Variants in NPAS3 observed in about 807,000 individuals in gnomAD.
NPAS3 encodes the protein neuronal PAS domain-containing protein 3.
A neutral mutation model predicts 73.1 loss-of-function variants in NPAS3; 14 were observed. The ratio of observed to expected loss-of-function variants is 0.19; its 90% CI spans 0.13 to 0.30. NPAS3 has a LOEUF of 0.30. NPAS3 is among the 10% of genes least tolerant of loss of function. The pLI is 1.00. For missense variants in NPAS3, 1,096 were observed against 1,250.0 expected (o/e 0.88, Z 1.86); for synonymous variants, 620 against 541.5 (o/e 1.14, Z -2.01).
At chr14:33,657,841 GCAGT>G (rs1377952925) in intron 5 of NPAS3, among the ~76,000 whole-genome samples, 1 of 152,098 alleles carries the variant, frequency 6.6e-6, no homozygotes, top group Non-Finnish European at 1.5e-5. Flanking sequence ...GGGGTGCGTT[GCAGT>G]CAGTGGATAA....
intron 6 of NPAS3, among the ~76,000 whole-genome samples, chr14:33,714,278 T>C (rs1310670562): frequency 6.7e-6 from 1 of 150,238 alleles, no homozygotes. Flanking sequence ...AATCTTCTAA[T>C]GGAATGTAAG....
intron 4 of NPAS3, among the ~76,000 whole-genome samples, chr14:33,398,407 TAAA>T (rs57064212): frequency 1.4e-5 from 2 of 142,836 alleles, no homozygotes; most frequent in Admixed American, 1.4e-4. Context: ...TATTTTCCTT[TAAA>T]AAAAAAAAAA....
chr14:33,174,588 G>A (rs1256272986), intron 2 of NPAS3, among the ~76,000 whole-genome samples: 1 of 152,178 alleles, frequency 6.6e-6, no homozygotes, highest in African/African-American at 2.4e-5. Flanking sequence ...CTAACGTCCT[G>A]ACGTTTTCAC....
chr14:33,538,579 A>G (rs2054360332), intron 4 of NPAS3, among the ~76,000 whole-genome samples: 2 of 152,204 alleles, frequency 1.3e-5, no homozygotes, highest in South Asian at 4.1e-4. Flanking sequence ...TTGCAAAAAG[A>G]CTTGTCACCT....
chr14:33,225,979 T>A (rs1256315311), intron 3 of NPAS3, among the ~76,000 whole-genome samples: 5 of 152,220 alleles, frequency 3.3e-5, no homozygotes, highest in Admixed American at 1.3e-4. Context: ...TGTACATAAG[T>A]CTATTTGTCA....
intron 2 of NPAS3, among the ~76,000 whole-genome samples, chr14:33,199,880 AATC>A: frequency 6.6e-6 from 1 of 152,214 alleles, no homozygotes; most frequent in South Asian, 2.1e-4. Context: ...GCAGCAGCAT[AATC>A]ATCTTTCAAC....
intron 1 of NPAS3, among the ~76,000 whole-genome samples, chr14:33,039,328 T>G (rs780266420): frequency 6.6e-6 from 1 of 152,136 alleles, no homozygotes; most frequent in Non-Finnish European, 1.5e-5. Flanking sequence ...GAGGCCTAAT[T>G]TCCATTATAT....
At chr14:33,492,378 T>C (rs2224498) in intron 4 of NPAS3, among the ~76,000 whole-genome samples, 1 of 152,110 alleles carries the variant, frequency 6.6e-6, no homozygotes, top group Non-Finnish European at 1.5e-5. Flanking sequence ...CTGTCACAGG[T>C]AACATGCTTT....
chr14:33,690,131 C>T (rs1237172176), intron 6 of NPAS3, among the ~76,000 whole-genome samples: 1 of 152,192 alleles, frequency 6.6e-6, no homozygotes, highest in Admixed American at 6.5e-5. Context: ...ATTGGGTCTC[C>T]GCAACCCATG....
intron 3 of NPAS3, among the ~76,000 whole-genome samples, chr14:33,322,570 GT>G (rs1308508399): frequency 6.6e-6 from 1 of 151,574 alleles, no homozygotes; most frequent in Non-Finnish European, 1.5e-5. Context: ...TTTTAAAGAA[GT>G]CTTTTTGTCA....
At chr14:33,368,310 T>TAA (rs66579296) in intron 4 of NPAS3, among the ~76,000 whole-genome samples, 2,058 of 144,900 alleles carry the variant, frequency 0.014, 32 homozygotes, top group African/African-American at 0.034. Flanking sequence ...GATTCTGCGT[T>TAA]AAAAAAAAAA....
intron 4 of NPAS3, among the ~76,000 whole-genome samples, chr14:33,414,062 T>C (rs1364582796): frequency 2.0e-5 from 3 of 152,184 alleles, no homozygotes; most frequent in Non-Finnish European, 2.9e-5. Flanking sequence ...ATAGAGTATA[T>C]CCTTAGTTAG....
intron 1 of NPAS3, among the ~76,000 whole-genome samples, chr14:33,047,648 C>A (rs2040555982): frequency 6.6e-6 from 1 of 152,188 alleles, no homozygotes; most frequent in Non-Finnish European, 1.5e-5. Flanking sequence ...TCAGGAAAAC[C>A]TCCAATATAA....
chr14:33,764,136 T>G (rs1005304078), intron 7 of NPAS3, among the ~76,000 whole-genome samples: 1 of 152,212 alleles, frequency 6.6e-6, no homozygotes, highest in Non-Finnish European at 1.5e-5. Context: ...CTAGAGCCCT[T>G]GAAGTTAAAT....
At chr14:33,780,293 G>GA (rs944104251) in intron 9 of NPAS3, among the ~76,000 whole-genome samples, 3 of 152,132 alleles carry the variant, frequency 2.0e-5, no homozygotes, top group Admixed American at 6.5e-5. Context: ...ATTAATTGGG[G>GA]AAAAAAATGA....
At chr14:33,693,101 T>C (rs1046104093) in intron 6 of NPAS3, among the ~76,000 whole-genome samples, 14 of 152,168 alleles carry the variant, frequency 9.2e-5, no homozygotes, top group Non-Finnish European at 1.5e-4. Flanking sequence ...TTTACTGGAG[T>C]AAAGGAATTA....
chr14:33,095,828 C>T (rs748445847), intron 2 of NPAS3, among the ~76,000 whole-genome samples: 38 of 151,558 alleles, frequency 2.5e-4, no homozygotes, highest in Non-Finnish European at 5.0e-4. Context: ...ACCACCATGC[C>T]CGGCTAATTT....
intron 2 of NPAS3, among the ~76,000 whole-genome samples, chr14:33,068,523 G>A (rs2041360081): frequency 6.6e-6 from 1 of 152,064 alleles, no homozygotes; most frequent in Non-Finnish European, 1.5e-5. Flanking sequence ...CATAATCTTT[G>A]TTCTCAAAGT....
chr14:33,311,517 C>T (rs1025124896), intron 3 of NPAS3, among the ~76,000 whole-genome samples: 1 of 151,950 alleles, frequency 6.6e-6, no homozygotes, highest in African/African-American at 2.4e-5. Flanking sequence ...TACTACTGAA[C>T]TTGTGTCATC....
Sources: gnomAD v4.1 joint callset for allele counts (sites outside exome capture counted in the v4.1 genomes callset) on GRCh38, gnomAD v4.1.1 for gene constraint, MANE v1.5 for transcripts, NCBI Gene and HGNC (gene_info 2026-07-23, HGNC 2026-07-21) for gene names.